PCDHGA5: variants seen among roughly 807,000 people sequenced by gnomAD.
PCDHGA5 encodes the protein protocadherin gamma-A5.
Under a neutral mutation model 56.7 loss-of-function variants are expected in PCDHGA5, and 36 were observed. The ratio of observed to expected loss-of-function variants is 0.64; its 90% CI spans 0.49 to 0.84. The LOEUF (loss-of-function observed/expected upper bound fraction) is 0.84, where lower values mean the gene tolerates loss of function less well. Among genes scored for constraint, PCDHGA5 ranks in the 40% least tolerant of loss-of-function variants. The pLI is 0.00. For synonymous variants in PCDHGA5, 563 were observed against 520.2 expected, an observed-to-expected ratio of 1.08 and a Z score of -1.12; for missense variants, 1,305 against 1,201.5, an observed-to-expected ratio of 1.09 and a Z score of -1.27.
intron 1 of PCDHGA5, chr5:141,384,772 G>A: frequency 6.2e-7 from 1 of 1,613,920 alleles, no homozygotes. Flanking sequence ...GTACACGGGC[G>A]AGGTGCGCAC....
chr5:141,389,196 C>T, intron 1 of PCDHGA5: 1 of 1,614,048 alleles, frequency 6.2e-7, no homozygotes, highest in South Asian at 1.1e-5. Flanking sequence ...CAGCATCACC[C>T]TGCACATTGG....
intron 1 of PCDHGA5, chr5:141,430,525 G>C (rs1354801907): frequency 3.3e-5 from 12 of 365,842 alleles, no homozygotes; most frequent in Admixed American, 1.3e-4. Context: ...GCAGTAATTG[G>C]TTAGGACTCT....
rs570809952 is a variant in PCDHGA5 at position 141,463,609 on chromosome 5, C to T, written c.2422-31198C>T. 4.6e-5 allele frequency among the ~76,000 whole-genome samples: 7 copies of T among 151,964 alleles called. No homozygotes were observed. In the East Asian group the frequency reaches 9.7e-4, roughly 21 times the overall value. The stretch of plus-strand genomic sequence containing the variant: ...GACTACAGGTGCCTGCCACCATGCC[C>T]GGCTAATTTTTTGTATTTTGTTTAG... On this transcript the variant is annotated intron_variant, in intron 1 of 3. Coordinates refer to ENST00000518069, the MANE Select transcript of PCDHGA5 (RefSeq NM_018918.3).
rs565922694 is a variant in PCDHGA5, at chr5:141,365,353, T to A, written c.1023T>A (p.Asn341Lys). ...TGGTGGTCACAGTACAGGACGTGAATGACAATGCCCCCGAAGTGATCCTCA... is the reference window on the plus strand; with the variant it reads ...TGGTGGTCACAGTACAGGACGTGAAAGACAATGCCCCCGAAGTGATCCTCA... ...AKVVVTVQDV[N>K]DNAPEVILTS... Residue 341 changes from asparagine (N) to lysine (K), a missense_variant, in exon 1 of 4, where the codon AAT becomes AAA. Asn to Lys is a moderately conservative substitution (Grantham distance 94). Transcript: ENST00000518069. 17 of 1,613,862 alleles carry A rather than the reference T, an allele frequency of 1.1e-5. No homozygotes were observed. The highest frequency in any genetic ancestry group is 1.4e-5 in the Non-Finnish European group (17 of 1,179,890).
chr5:141,477,433 C>T lies in PCDHGA5; in HGVS notation c.2422-17374C>T, dbSNP rs1389102640. On this transcript the variant is annotated intron_variant, in intron 1 of 3. Transcript: ENST00000518069. The surrounding 1 kb of genome is among the most constrained non-coding windows in gnomAD (Gnocchi z 4.9). ...ACGCCGGAACCCCTTCCCTCTCAGCCCTTACAATAGTGCGTGTTCAAGTGT... is the reference window on the plus strand; with the variant it reads ...ACGCCGGAACCCCTTCCCTCTCAGCTCTTACAATAGTGCGTGTTCAAGTGT... 6.2e-7 allele frequency: 1 copy of T among 1,614,048 alleles called. No individual in the cohort carries two copies. The highest frequency in any genetic ancestry group is 2.2e-5 in the East Asian group (1 of 44,892).
chr5:141,384,419 T>G, intron 1 of PCDHGA5: 1 of 1,613,944 alleles, frequency 6.2e-7, no homozygotes, highest in Non-Finnish European at 8.5e-7. Context: ...TATGTCTCCA[T>G]AAACTCTGAC....
intron 1 of PCDHGA5, chr5:141,442,380 T>G (rs1235241143): frequency 2.6e-5 from 4 of 152,244 alleles, no homozygotes; most frequent in Non-Finnish European, 4.4e-5. Flanking sequence ...TCCTACCAGG[T>G]GTGTGCTTCT....
At position 141,511,148 on chromosome 5, in the gene PCDHGA5, A is replaced by C; in HGVS notation, c.2771A>C (p.Lys924Thr). Residue 924 changes from lysine to threonine, a missense_variant, in exon 4 of 4, where the codon AAG (lysine) becomes ACG (threonine). Coordinates refer to ENST00000518069, the MANE Select transcript of PCDHGA5 (RefSeq NM_018918.3). ...APAGGNGNKKKSGKKEKK is the reference protein window; with the variant it reads ...APAGGNGNKKTSGKKEKK ...GCAGGTGGCAATGGCAACAAGAAGA[A>C]GTCGGGCAAGAAGGAGAAGAAGTAA... is the stretch of plus-strand genomic sequence containing the variant. The C allele has an allele frequency of 6.2e-7, 1 of 1,614,202 alleles. No individual in the cohort carries two copies. Among genetic ancestry groups the C allele is most frequent in the East Asian group, 2.2e-5 (1 of 44,882 alleles).
intron 1 of PCDHGA5, chr5:141,421,935 A>G: frequency 6.2e-7 from 1 of 1,613,514 alleles, no homozygotes; most frequent in East Asian, 2.2e-5. Context: ...TCCTCGATGT[A>G]AATGATCACA....
chr5:141,423,374 G>T (rs1356564295), intron 1 of PCDHGA5: 2 of 1,614,188 alleles, frequency 1.2e-6, no homozygotes, highest in Admixed American at 1.7e-5. Context: ...CTGGCACTCA[G>T]GCTGTGGCGC....
chr5:141,383,308 G>T, intron 1 of PCDHGA5: 1 of 1,613,976 alleles, frequency 6.2e-7, no homozygotes, highest in Non-Finnish European at 8.5e-7. Context: ...CTTGACGGAA[G>T]AAATAAATGT....
At position 141,511,313 on chromosome 5, in the gene PCDHGA5, CAGAA is replaced by C; in HGVS notation, c.*142_*145del. The C allele has an allele frequency of 2.0e-6, 3 of 1,482,944 alleles. No homozygotes were observed. In the South Asian group the frequency reaches 4.1e-5, roughly 20 times the overall value. 91.9% of individuals were successfully genotyped at this position (1,482,944 alleles called of 1,614,324 possible). ...CCAAGGCCATGCTCCCCTTGGGAAA[CAGAA>C]ACAAGTGCCCAGTCAGCACCTACCC... On this transcript the variant is annotated 3_prime_UTR_variant, in exon 4 of 4. Transcript: ENST00000518069.
Position 141,491,756 on chromosome 5 carries a change from C to T in PCDHGA5, c.2422-3051C>T. The T allele has an allele frequency of 1.3e-6, 2 of 1,581,720 alleles. No individual in the cohort carries two copies. Among genetic ancestry groups the T allele is most frequent in the Non-Finnish European group, 8.6e-7 (1 of 1,165,100 alleles). ...CCTGGGGGCGGCACTGGAGAAGCCG[C>T]CCGTCCTCATAAGGGATTGAACTTG... On this transcript the variant is annotated intron_variant, in intron 1 of 3. Coordinates refer to ENST00000518069, the MANE Select transcript of PCDHGA5 (RefSeq NM_018918.3). This position sits in a 1 kb window ranked among gnomAD's most constrained non-coding sequence, Gnocchi z 6.9.
chr5:141,381,354 G>A (rs1163041754), intron 1 of PCDHGA5, among the ~76,000 whole-genome samples: 1 of 152,202 alleles, frequency 6.6e-6, no homozygotes, highest in Non-Finnish European at 1.5e-5. Context: ...CTTTCTGCTA[G>A]CAGAGGGTAG....
chr5:141,487,591 C>T lies in PCDHGA5; in HGVS notation c.2422-7216C>T. 8 of 1,614,176 alleles carry T rather than the reference C, an allele frequency of 5.0e-6. No homozygotes were observed. The highest frequency in any genetic ancestry group is 6.8e-6 in the Non-Finnish European group (8 of 1,180,036). On this transcript the variant is annotated intron_variant, in intron 1 of 3. Coordinates refer to ENST00000518069, the MANE Select transcript of PCDHGA5 (RefSeq NM_018918.3). The surrounding 1 kb of genome is among the most constrained non-coding windows in gnomAD (Gnocchi z 5.0). ...AGCCTGTTCGCCCAAGCTGCCCACC[C>T]TCTGATCTTCTCTATGGGCTAGAGG...
At chr5:141,496,869 A>G (rs2099772006) in intron 2 of PCDHGA5, among the ~76,000 whole-genome samples, 1 of 150,116 alleles carries the variant, frequency 6.7e-6, no homozygotes, top group African/African-American at 2.5e-5. Context: ...GAGACTGAAA[A>G]TTTGCAACAA....
chr5:141,400,580 C>T (rs756569671), intron 1 of PCDHGA5: 2 of 1,610,388 alleles, frequency 1.2e-6, no homozygotes, highest in South Asian at 2.2e-5. Context: ...TCTGTATTTA[C>T]ATGAAACTAT....
chr5:141,389,832 C>G (rs758113562), intron 1 of PCDHGA5: 1 of 1,613,966 alleles, frequency 6.2e-7, no homozygotes, highest in Admixed American at 1.7e-5. Context: ...CGGTGGACAG[C>G]CACCACTCTC....
chr5:141,393,851 A>T (rs758721118), intron 1 of PCDHGA5: 2 of 1,613,988 alleles, frequency 1.2e-6, no homozygotes, highest in Non-Finnish European at 1.7e-6. Context: ...ATAGACCAGA[A>T]GTGATCATTA....
Sources: allele counts gnomAD v4.1 joint callset (sites outside exome capture counted in the v4.1 genomes callset), GRCh38; gene constraint gnomAD v4.1.1; non-coding constraint Gnocchi (gnomAD v3.1); transcripts MANE v1.5; gene names NCBI Gene and HGNC (gene_info 2026-07-23, HGNC 2026-07-21).